DMP1: variants seen among roughly 807,000 people sequenced by gnomAD.
DMP1 encodes the protein dentin matrix acidic phosphoprotein 1.
In DMP1, 20 loss-of-function variants were observed where a neutral mutation model predicts 14.6. The observed-to-expected ratio is 1.37, with a 90% confidence interval of 0.96 to 1.99. DMP1 has a LOEUF of 1.99. DMP1 is among the 30% of genes most tolerant of loss of function. The probability of loss-of-function intolerance (pLI) is 0.00; values close to 1 mark genes in which losing one functional copy is unlikely to be tolerated. For missense variants in DMP1, 567 were observed against 620.5 expected (o/e 0.91, Z 0.92); for synonymous variants, 197 against 215.3 (o/e 0.91, Z 0.75).
chr4:87,661,344 C>T lies in DMP1; in HGVS notation c.184-618C>T, dbSNP rs551397721. Reference sequence around the variant, plus strand: ...TCACGCCATTCTCCTGCCTCAGCCTCCGGAGTAGCTGGGACTACAGGCGCC... The same window carrying T: ...TCACGCCATTCTCCTGCCTCAGCCTTCGGAGTAGCTGGGACTACAGGCGCC... On this transcript the variant is annotated intron_variant, in intron 5 of 5. Coordinates refer to ENST00000339673, the MANE Select transcript of DMP1 (RefSeq NM_004407.4). Among the ~76,000 whole-genome samples the T allele has an allele frequency of 4.0e-5, 6 of 151,524 alleles. No homozygotes were observed. In the South Asian group the frequency reaches 1.0e-3, roughly 26 times the overall value.
At chr4:87,658,229 T>C (rs1281830210) in intron 3 of DMP1, among the ~76,000 whole-genome samples, 1 of 152,248 alleles carries the variant, frequency 6.6e-6, no homozygotes, top group Non-Finnish European at 1.5e-5. Context: ...CTCCTTTCCC[T>C]AAGGAGATAC....
intron 3 of DMP1, 177 bp from the exon 4 acceptor site, chr4:87,659,043 A>G (rs1728779146): frequency 3.0e-6 from 2 of 656,514 alleles, no homozygotes; most frequent in Admixed American, 5.2e-5. Context: ...TCAAGCCATT[A>G]GTCATTTTAC....
In DMP1 at chr4:87,663,279, A is replaced by T. The variant is rs1341717094; in HGVS notation, c.1501A>T (p.Ile501Phe). ...LTVDAYHNKP[I>F]GDQDDNDCQD... ...AGTTGATGCCTATCACAACAAACCC[A>T]TTGGGGACCAAGATGACAATGACTG... The change falls in exon 6 of 6, where the codon ATT (isoleucine) becomes TTT (phenylalanine). Residue 501 changes from isoleucine (I) to phenylalanine (F), a missense_variant. Ile to Phe is a conservative substitution (Grantham distance 21). Transcript: ENST00000339673. The T allele has an allele frequency of 1.2e-6, 2 of 1,614,220 alleles. No homozygotes were observed. The highest frequency in any genetic ancestry group is 2.7e-5 in the African/African-American group (2 of 75,076).
At chr4:87,656,407 G>C (rs2110012229) in intron 1 of DMP1, 65 bp from the exon 2 acceptor site, 1 of 917,548 alleles carries the variant, frequency 1.1e-6, no homozygotes, top group Non-Finnish European at 1.8e-6. Flanking sequence ...GGAAGAAACT[G>C]TTAAAAAGTT....
At chr4:87,657,277 T>C in intron 3 of DMP1, 198 bp downstream of exon 3, 1 of 475,488 alleles carries the variant, frequency 2.1e-6, no homozygotes, top group Non-Finnish European at 3.8e-6. Context: ...ATATTTTCTG[T>C]TAGCTTTCTT....
intron 3 of DMP1, 119 bp from the exon 4 acceptor site, chr4:87,659,100 TA>T: frequency 9.8e-7 from 1 of 1,016,900 alleles, no homozygotes; most frequent in Non-Finnish European, 1.5e-6. Flanking sequence ...ATTACTCATG[TA>T]AATGTAAGAT....
In DMP1 at chr4:87,657,076, G is replaced by A. The variant is rs1728721238; in HGVS notation, c.99G>A (p.Trp33Ter). Residue 33 changes from tryptophan (W) to a stop codon, truncating the protein, a stop_gained, in exon 3 of 6, where the codon TGG becomes TGA. Coordinates refer to ENST00000339673, the MANE Select transcript of DMP1 (RefSeq NM_004407.4). LOFTEE classifies it high-confidence loss of function. ...QNNESEDSEEWKGHLAQAPTP... is the reference protein window; with the variant it reads ...QNNESEDSEE Reference sequence around the variant, plus strand: ...ATGAATCTGAGGATTCTGAAGAATGGAAGGTGAGTAGAAATATGACTTTTT... The same window carrying A: ...ATGAATCTGAGGATTCTGAAGAATGAAAGGTGAGTAGAAATATGACTTTTT... 3.3e-6 allele frequency: 5 copies of A among 1,531,312 alleles called. No individual in the cohort carries two copies. Among genetic ancestry groups the A allele is most frequent in the African/African-American group, 1.4e-5 (1 of 73,440 alleles). The allele number at this position is 1,531,312 out of a possible 1,614,324, so 94.9% of individuals were successfully genotyped here.
At chr4:87,653,380 T>A (rs540402991) in intron 1 of DMP1, among the ~76,000 whole-genome samples, 1 of 116,896 alleles carries the variant, frequency 8.6e-6, no homozygotes, top group East Asian at 2.4e-4. Context: ...TCAGGCATTA[T>A]CGAGTGATAT....
intron 5 of DMP1, among the ~76,000 whole-genome samples, chr4:87,661,204 ATTTTTTTTTTTTTTTTT>A (rs70957272): frequency 0.39 from 26,256 of 66,892 alleles, 3,543 homozygotes; most frequent in East Asian, 0.53. Flanking sequence ...CAGCCAGCTA[ATTTTTTTTTTTTTTTTT>A]TTTTTTTTTT....
At position 87,664,267 on chromosome 4, in the gene DMP1, G is replaced by C. The variant is rs1729026481; in HGVS notation, c.*947G>C. The C allele has an allele frequency of 6.6e-6, 1 of 152,548 alleles. No homozygotes were observed. The highest frequency in any genetic ancestry group is 1.5e-5 in the Non-Finnish European group (1 of 68,026). The allele number at this position is 152,548 out of a possible 1,614,324, so 9.4% of individuals were successfully genotyped here. On this transcript the variant is annotated 3_prime_UTR_variant, in exon 6 of 6. Transcript: ENST00000339673. ...TCCTTTACAGAGCAAAATTCTGTAT[G>C]TAAGATTCAATTGATTTTTGACAAA...
intron 1 of DMP1, among the ~76,000 whole-genome samples, chr4:87,653,409 A>ATATATATATATATATATATATATTT (rs1728584797): frequency 1.8e-5 from 2 of 113,638 alleles, no homozygotes; most frequent in Non-Finnish European, 1.8e-5. Flanking sequence ...ATATATATAT[A>ATATATATATATATATATATATATTT]TATATATATA....
At chr4:87,658,011 T>C (rs1578152844) in intron 3 of DMP1, among the ~76,000 whole-genome samples, 1 of 152,162 alleles carries the variant, frequency 6.6e-6, no homozygotes, top group Non-Finnish European at 1.5e-5. Context: ...CATAGGCTGG[T>C]TAATTTAAAA....
chr4:87,658,718 T>G, intron 3 of DMP1: 1 of 167,542 alleles, frequency 6.0e-6, no homozygotes, highest in East Asian at 1.7e-4. Flanking sequence ...AAGAAACTGG[T>G]GGTCAGACAC....
rs576060231 is a variant in DMP1, at chr4:87,656,186, T to C, written c.-21-286T>C. ...CTTTTTGTCTCTGTAGATTTGCCTATTGTGGACATTTCATGTAAATAGAAT... is the reference window on the plus strand; with the variant it reads ...CTTTTTGTCTCTGTAGATTTGCCTACTGTGGACATTTCATGTAAATAGAAT... On this transcript the variant is annotated intron_variant, in intron 1 of 5. Transcript: ENST00000339673. Among the ~76,000 whole-genome samples the C allele has an allele frequency of 5.3e-5, 8 of 152,370 alleles. No homozygotes were observed. In the East Asian group the frequency reaches 1.5e-3, roughly 29 times the overall value.
At chr4:87,656,361 T>G (rs113708974) in intron 1 of DMP1, 111 bp from the exon 2 acceptor site, 1 of 740,788 alleles carries the variant, frequency 1.3e-6, no homozygotes, top group African/African-American at 1.7e-5. Flanking sequence ...ATTTATCCAT[T>G]CATCAGTTCA....
Position 87,657,336 on chromosome 4 carries a change from C to T in DMP1, c.102+257C>T, listed in dbSNP as rs1195852947. On this transcript the variant is annotated intron_variant, in intron 3 of 5. Transcript: ENST00000339673. ...TACCAGGGGATGCATGACAATGAAT[C>T]AAGAGTCTTCAGGAGAGATTATGAC... The T allele has an allele frequency of 9.1e-5, 26 of 284,792 alleles. No individual in the cohort carries two copies. In the Admixed American group the frequency reaches 1.1e-3, roughly 12 times the overall value. The allele number at this position is 284,792 out of a possible 1,614,324, so 17.6% of individuals were successfully genotyped here.
At chr4:87,659,568 T>A in intron 5 of DMP1, 90 bp downstream of exon 5, 1 of 1,252,464 alleles carries the variant, frequency 8.0e-7, no homozygotes, top group Non-Finnish European at 1.2e-6. Flanking sequence ...CAGTTCTAAA[T>A]ATAATATTTT....
Position 87,663,081 on chromosome 4 carries a change from T to A in DMP1, c.1303T>A (p.Ser435Thr). 1 of 1,614,138 alleles carries A rather than the reference T, an allele frequency of 6.2e-7. No homozygotes were observed. The highest frequency in any genetic ancestry group is 8.5e-7 in the Non-Finnish European group (1 of 1,180,022). Residue 435 changes from serine to threonine, a missense_variant, in exon 6 of 6, where the codon TCT (serine) becomes ACT (threonine). Coordinates refer to ENST00000339673, the MANE Select transcript of DMP1 (RefSeq NM_004407.4). Reference protein sequence around the residue: ...ENSSSQEGLQSHSSSAESQSE... With the variant: ...ENSSSQEGLQTHSSSAESQSE... ...CAGCTCCAGCCAGGAGGGCCTCCAG[T>A]CTCACAGCAGCTCAGCAGAGAGTCA...
intron 1 of DMP1, among the ~76,000 whole-genome samples, chr4:87,650,905 C>G (rs1288973329): frequency 2.0e-5 from 3 of 152,018 alleles, no homozygotes; most frequent in Non-Finnish European, 4.4e-5. Flanking sequence ...GATTAAACTA[C>G]TGAAATAACT....
Sources: gnomAD v4.1 joint callset for allele counts (sites outside exome capture counted in the v4.1 genomes callset) on GRCh38, gnomAD v4.1.1 for gene constraint, MANE v1.5 for transcripts, NCBI Gene and HGNC (gene_info 2026-07-23, HGNC 2026-07-21) for gene names.